GALNT13: variants seen among roughly 807,000 people sequenced by gnomAD.
GALNT13 encodes UDP-GalNAc:polypeptide N-acetylgalactosaminyltransferase 13.
In GALNT13, 28 loss-of-function variants were observed where a neutral mutation model predicts 64.2. The ratio of observed to expected loss-of-function variants is 0.44; its 90% confidence interval spans 0.32 to 0.60. GALNT13 has a LOEUF of 0.60. Among genes scored for constraint, GALNT13 ranks in the 20% least tolerant of loss-of-function variants. GALNT13 has a pLI of 0.05. For synonymous variants in GALNT13, 214 were observed against 224.6 expected (o/e 0.95, Z 0.42); for missense variants, 577 against 669.8 (o/e 0.86, Z 1.53).
At position 154,428,075 on chromosome 2, in the gene GALNT13, C is replaced by T. The variant is rs562688199; in HGVS notation, c.1396-10517C>T. ...TCATTATGACAAGTTTATTTTCTTA[C>T]AAGTTTTATTTCTGGATTTTTGTTG... On this transcript the variant is annotated intron_variant, in intron 11 of 12. Coordinates refer to ENST00000392825, the MANE Select transcript of GALNT13 (RefSeq NM_052917.4). Among the ~76,000 whole-genome samples, 12 of 152,218 alleles carry T rather than the reference C, an allele frequency of 7.9e-5. No individual in the cohort carries two copies. The South Asian group carries it at 2.5e-3, about 32-fold the overall frequency.
intron 3 of GALNT13, among the ~76,000 whole-genome samples, chr2:154,020,076 C>T (rs1420615281): frequency 6.6e-6 from 1 of 152,070 alleles, no homozygotes; most frequent in Non-Finnish European, 1.5e-5. Flanking sequence ...ATATATGTGC[C>T]ACATTTTCTT....
the GALNT13 span, among the ~76,000 whole-genome samples, chr2:153,545,180 C>T: frequency 6.6e-6 from 1 of 152,142 alleles, no homozygotes; most frequent in African/African-American, 2.4e-5. Context: ...TGGCAGTCCA[C>T]AGCCGGTGAG....
chr2:153,866,684 CCAAATAAAA>C, the GALNT13 span, among the ~76,000 whole-genome samples: 2 of 152,062 alleles, frequency 1.3e-5, no homozygotes, highest in Admixed American at 6.6e-5. Flanking sequence ...CATAAGACTT[CCAAATAAAA>C]CAAATAAAAC....
At chr2:153,899,930 T>C (rs1004219533) in intron 1 of GALNT13, among the ~76,000 whole-genome samples, 5 of 88,322 alleles carry the variant, frequency 5.7e-5, no homozygotes, top group Non-Finnish European at 1.2e-4. Context: ...TATATATATA[T>C]ATATATTTTT....
the GALNT13 span, among the ~76,000 whole-genome samples, chr2:153,795,809 TCTC>T: frequency 1.3e-5 from 2 of 152,128 alleles, no homozygotes; most frequent in African/African-American, 4.8e-5. Context: ...CTTCATACGT[TCTC>T]CTACTATATC....
At chr2:154,344,887 T>C (rs540891193) in intron 9 of GALNT13, among the ~76,000 whole-genome samples, 2 of 152,044 alleles carry the variant, frequency 1.3e-5, no homozygotes, top group East Asian at 3.9e-4. Flanking sequence ...TAACTGGTAA[T>C]TGTTGATGGG....
chr2:153,300,763 A>G, the GALNT13 span, among the ~76,000 whole-genome samples: 2 of 152,208 alleles, frequency 1.3e-5, no homozygotes, highest in South Asian at 2.1e-4. Flanking sequence ...TGTTAGAACA[A>G]TTTTGGAAAG....
At chr2:154,236,778 A>T (rs559527080) in intron 4 of GALNT13, among the ~76,000 whole-genome samples, 2 of 152,188 alleles carry the variant, frequency 1.3e-5, no homozygotes, top group African/African-American at 4.8e-5. Flanking sequence ...GAAAACAAAT[A>T]ATAACTTCAT....
the GALNT13 span, among the ~76,000 whole-genome samples, chr2:153,086,696 G>A: frequency 6.6e-6 from 1 of 150,400 alleles, no homozygotes; most frequent in Non-Finnish European, 1.5e-5. Flanking sequence ...CTATTCCTAA[G>A]TATTTTATTT....
At chr2:154,328,526 C>G (rs977247742) in intron 9 of GALNT13, among the ~76,000 whole-genome samples, 2 of 152,052 alleles carry the variant, frequency 1.3e-5, no homozygotes, top group Admixed American at 6.6e-5. Flanking sequence ...TGCATAGCTA[C>G]CAGAGATTCT....
the GALNT13 span, among the ~76,000 whole-genome samples, chr2:153,254,888 A>C: frequency 6.6e-6 from 1 of 152,270 alleles, no homozygotes; most frequent in Admixed American, 6.5e-5. Context: ...TTTACTTCCA[A>C]GTATGCGGTC....
At chr2:153,936,931 A>G (rs560116861) in intron 2 of GALNT13, among the ~76,000 whole-genome samples, 3 of 152,092 alleles carry the variant, frequency 2.0e-5, no homozygotes, top group South Asian at 2.1e-4. Context: ...GTTAGCCAGG[A>G]TGGTCTCAAT....
chr2:154,003,897 G>A (rs1188076987), intron 3 of GALNT13, among the ~76,000 whole-genome samples: 1 of 151,912 alleles, frequency 6.6e-6, no homozygotes, highest in African/African-American at 2.4e-5. Flanking sequence ...GTTTCCTGAG[G>A]CCTCCCCAGA....
the GALNT13 span, among the ~76,000 whole-genome samples, chr2:153,657,648 A>G: frequency 1.8e-3 from 273 of 152,252 alleles, 1 homozygote; most frequent in Non-Finnish European, 3.1e-3. Context: ...ATATCATTCT[A>G]CATCCAGTAT....
chr2:153,832,750 T>A, the GALNT13 span, among the ~76,000 whole-genome samples: 29 of 152,296 alleles, frequency 1.9e-4, no homozygotes, highest in African/African-American at 6.7e-4. Context: ...TGTTTTTCTT[T>A]AGAAAAGGGA....
chr2:154,169,246 C>T (rs774932301), intron 4 of GALNT13, among the ~76,000 whole-genome samples: 1 of 152,122 alleles, frequency 6.6e-6, no homozygotes, highest in African/African-American at 2.4e-5. Context: ...GTCAAACAAA[C>T]CATATCCACA....
At chr2:153,287,631 A>T in the GALNT13 span, among the ~76,000 whole-genome samples, 4 of 152,020 alleles carry the variant, frequency 2.6e-5, no homozygotes, top group African/African-American at 9.7e-5. Flanking sequence ...GGAATTCCAC[A>T]TAGTCCTGCT....
rs115749050 is a variant in GALNT13 at position 154,443,151 on chromosome 2, G to T, written c.1530+4425G>T. Among the ~76,000 whole-genome samples the T allele has an allele frequency of 5.7e-3, 871 of 152,132 alleles. 6 individuals are homozygous for T. The highest frequency in any genetic ancestry group is 0.02 in the African/African-American group (832 of 41,532). On this transcript the variant is annotated intron_variant, in intron 12 of 12. Transcript: ENST00000392825. ...AAAACAATGGCTCAATTTACCTTTT[G>T]AAGGTTGTGTGCATTACACAGTTAT...
chr2:154,044,354 T>C (rs1699173789), intron 3 of GALNT13, among the ~76,000 whole-genome samples: 1 of 152,168 alleles, frequency 6.6e-6, no homozygotes, highest in Non-Finnish European at 1.5e-5. Flanking sequence ...GTCAATTATC[T>C]GAAGGATAAG....
Sources: gnomAD v4.1 joint callset for allele counts (sites outside exome capture counted in the v4.1 genomes callset) on GRCh38, gnomAD v4.1.1 for gene constraint, MANE v1.5 for transcripts, NCBI Gene and HGNC (gene_info 2026-07-23, HGNC 2026-07-21) for gene names.